The following SAMD4A variants were observed in gnomAD, a reference collection of about 807,000 sequenced individuals.
The protein encoded by SAMD4A is sterile alpha motif domain containing 4A.
In SAMD4A, 33 loss-of-function variants were observed where a neutral mutation model predicts 81.3. The ratio of observed to expected loss-of-function variants is 0.41; its 90% CI spans 0.31 to 0.54. SAMD4A has a LOEUF of 0.54. Among genes scored for constraint, SAMD4A ranks in the 20% least tolerant of loss-of-function variants. The pLI is 0.37. For synonymous variants in SAMD4A, 389 were observed against 382.1 expected (o/e 1.02, Z -0.21); for missense variants, 854 against 951.1 (o/e 0.90, Z 1.34).
chr14:54,641,850 T>A (rs1016962553), intron 2 of SAMD4A, among the ~76,000 whole-genome samples: 13 of 152,128 alleles, frequency 8.5e-5, no homozygotes, highest in African/African-American at 2.7e-4. Context: ...CAGGCTTGAG[T>A]ACAGTGGTGC....
At chr14:54,724,579 C>A (rs987205302) in intron 3 of SAMD4A, among the ~76,000 whole-genome samples, 1 of 152,132 alleles carries the variant, frequency 6.6e-6, no homozygotes, top group Non-Finnish European at 1.5e-5. Flanking sequence ...GAACAGTGGG[C>A]CTCACAGGTG....
chr14:54,756,455 C>T (rs932177807), intron 6 of SAMD4A, among the ~76,000 whole-genome samples: 2 of 152,158 alleles, frequency 1.3e-5, no homozygotes, highest in African/African-American at 2.4e-5. Flanking sequence ...TATATGTTCC[C>T]ACAGCTCCCT....
intron 4 of SAMD4A, among the ~76,000 whole-genome samples, chr14:54,743,922 C>G (rs953246638): frequency 6.6e-6 from 1 of 152,250 alleles, no homozygotes; most frequent in African/African-American, 2.4e-5. Context: ...TGCTAAACTT[C>G]TCTTCATTTT....
At chr14:54,714,660 A>T (rs1259585243) in intron 3 of SAMD4A, among the ~76,000 whole-genome samples, 1 of 152,158 alleles carries the variant, frequency 6.6e-6, no homozygotes, top group African/African-American at 2.4e-5. Context: ...TTAAGAGAGC[A>T]TTTAAGGGTG....
chr14:54,711,561 G>A (rs1298092088), intron 3 of SAMD4A, among the ~76,000 whole-genome samples: 1 of 152,140 alleles, frequency 6.6e-6, no homozygotes, highest in Non-Finnish European at 1.5e-5. Context: ...TCTCTGGGTA[G>A]TATTTCTGCA....
chr14:54,617,973 G>T (rs907894957), intron 2 of SAMD4A, among the ~76,000 whole-genome samples: 26 of 152,182 alleles, frequency 1.7e-4, no homozygotes, highest in African/African-American at 6.0e-4. Context: ...TATTGGAGAA[G>T]ATTAGTATGA....
rs2039268840 is a variant in SAMD4A at position 54,792,133 on chromosome 14, T to C, written c.*3189T>C. ...TGAACTGTGTACAAGACATGAAACATTGCTGCTGATATGTTGTTTTTTCAC... is the reference window on the plus strand; with the variant it reads ...TGAACTGTGTACAAGACATGAAACACTGCTGCTGATATGTTGTTTTTTCAC... On this transcript the variant is annotated 3_prime_UTR_variant, in exon 13 of 13. Coordinates refer to ENST00000554335, the MANE Select transcript of SAMD4A (RefSeq NM_015589.6). The C allele has an allele frequency of 6.6e-6, 1 of 152,218 alleles. No individual in the cohort carries two copies. The highest frequency in any genetic ancestry group is 1.5e-5 in the Non-Finnish European group (1 of 68,040). The allele number at this position is 152,218 out of a possible 1,614,324, so 9.4% of individuals were successfully genotyped here.
At chr14:54,630,378 A>C (rs1299192432) in intron 2 of SAMD4A, among the ~76,000 whole-genome samples, 1 of 152,206 alleles carries the variant, frequency 6.6e-6, no homozygotes, top group African/African-American at 2.4e-5. Flanking sequence ...AGCCATCCCA[A>C]TGAATATGAG....
At chr14:54,684,284 C>T (rs1204312573) in intron 2 of SAMD4A, among the ~76,000 whole-genome samples, 8 of 152,226 alleles carry the variant, frequency 5.3e-5, no homozygotes, top group African/African-American at 1.9e-4. Flanking sequence ...TGGGCCACTT[C>T]CAAAGGGGGA....
At chr14:54,600,769 C>G (rs940130370) in intron 2 of SAMD4A, among the ~76,000 whole-genome samples, 2 of 152,174 alleles carry the variant, frequency 1.3e-5, no homozygotes, top group African/African-American at 4.8e-5. Flanking sequence ...ACAGTACTGA[C>G]ACAGTACATT....
chr14:54,755,687 T>C (rs533006567), intron 6 of SAMD4A, among the ~76,000 whole-genome samples: 1 of 152,236 alleles, frequency 6.6e-6, no homozygotes, highest in East Asian at 1.9e-4. Flanking sequence ...AGCAGAAGCC[T>C]GTAAACCAGT....
chr14:54,735,169 T>TTCTTCCTATTGGCTTC (rs1371442698), intron 3 of SAMD4A: 3 of 151,392 alleles, frequency 2.0e-5, no homozygotes, highest in African/African-American at 7.3e-5. Flanking sequence ...TGTCTGGCTT[T>TTCTTCCTATTGGCTTC]TCTTCCTATT....
chr14:54,679,400 T>C (rs2036076395), intron 2 of SAMD4A, among the ~76,000 whole-genome samples: 1 of 152,190 alleles, frequency 6.6e-6, no homozygotes, highest in African/African-American at 2.4e-5. Flanking sequence ...TGAAAAACAG[T>C]CTAGTCTTTT....
chr14:54,567,830 G>C lies in SAMD4A; in HGVS notation c.-87G>C, dbSNP rs1160545529. ...GGAACAGGAACGCGTCTCCGGCCGCGGGGCTGCGGCTCCGCCAAACTTTGG... is the reference window on the plus strand; with the variant it reads ...GGAACAGGAACGCGTCTCCGGCCGCCGGGCTGCGGCTCCGCCAAACTTTGG... On this transcript the variant is annotated 5_prime_UTR_variant, in exon 2 of 13. Transcript: ENST00000554335. 8.2e-6 allele frequency: 12 copies of C among 1,455,442 alleles called. No individual in the cohort carries two copies. Among genetic ancestry groups the C allele is most frequent in the Non-Finnish European group, 9.3e-6 (10 of 1,080,138 alleles). 90.2% of individuals were successfully genotyped at this position (1,455,442 alleles called of 1,614,324 possible).
chr14:54,760,080 C>CAGGGCAGGGG (rs996963886), intron 6 of SAMD4A, 81 bp from the exon 7 acceptor site: 2 of 1,422,334 alleles, frequency 1.4e-6, no homozygotes, highest in Admixed American at 4.6e-5. Context: ...TGTAAGAGCT[C>CAGGGCAGGGG]AGGGCAGGGG....
At chr14:54,606,441 G>A (rs1220492677) in intron 2 of SAMD4A, among the ~76,000 whole-genome samples, 1 of 152,184 alleles carries the variant, frequency 6.6e-6, no homozygotes, top group African/African-American at 2.4e-5. Flanking sequence ...CGTCCTTTGT[G>A]GGAGGCAGAG....
chr14:54,644,767 A>G (rs116149780), intron 2 of SAMD4A, among the ~76,000 whole-genome samples: 3,999 of 152,320 alleles, frequency 0.026, 57 homozygotes, highest in Middle Eastern at 0.082. Flanking sequence ...AGGACATGTG[A>G]CAGGCAACAT....
At chr14:54,659,118 A>G (rs908978343) in intron 2 of SAMD4A, among the ~76,000 whole-genome samples, 15 of 152,356 alleles carry the variant, frequency 9.8e-5, no homozygotes, top group African/African-American at 3.4e-4. Flanking sequence ...TCTGACTGCT[A>G]GTAATATTAA....
At chr14:54,751,416 T>C (rs1435669315) in intron 5 of SAMD4A, 35 bp from the exon 6 acceptor site, 2 of 1,299,656 alleles carry the variant, frequency 1.5e-6, no homozygotes, top group East Asian at 2.3e-5. Flanking sequence ...TGTTTTTAAA[T>C]ATACATTTAA....
Sources: gnomAD v4.1 joint callset for allele counts (sites outside exome capture counted in the v4.1 genomes callset) on GRCh38, gnomAD v4.1.1 for gene constraint, MANE v1.5 for transcripts, NCBI Gene and HGNC (gene_info 2026-07-23, HGNC 2026-07-21) for gene names.